The following RPS6KC1 variants were observed in gnomAD, a reference collection of about 807,000 sequenced individuals.
RPS6KC1 encodes the protein ribosomal protein S6 kinase C1.
In RPS6KC1, 54 loss-of-function variants were observed where a neutral mutation model predicts 103.8. The observed-to-expected ratio is 0.52, with a 90% CI of 0.42 to 0.65. The LOEUF is 0.65. Ranked by LOEUF, RPS6KC1 falls within the 30% of genes least tolerant of loss-of-function variation. The pLI is 0.00. For synonymous variants in RPS6KC1, 439 were observed against 438.7 expected, an observed-to-expected ratio of 1.00 and a Z score of -0.01; for missense variants, 1,151 against 1,253.8, an observed-to-expected ratio of 0.92 and a Z score of 1.24.
chr1:213,228,305 T>C (rs3924768), intron 8 of RPS6KC1, among the ~76,000 whole-genome samples: 68,652 of 152,096 alleles, frequency 0.45, 19,269 homozygotes, highest in Non-Finnish European at 0.62. Flanking sequence ...ATTATCTTAC[T>C]GAAATCCTCA....
the RPS6KC1 span, among the ~76,000 whole-genome samples, chr1:213,639,011 C>T: frequency 6.6e-6 from 1 of 152,000 alleles, no homozygotes; most frequent in East Asian, 1.9e-4. Flanking sequence ...TTATTTATGT[C>T]CTCTTTGATT....
At chr1:213,355,061 T>C in the RPS6KC1 span, among the ~76,000 whole-genome samples, 1 of 151,976 alleles carries the variant, frequency 6.6e-6, no homozygotes, top group Non-Finnish European at 1.5e-5. Context: ...CTACTAAAAA[T>C]ACAAAAATTA....
chr1:213,684,112 C>T, the RPS6KC1 span, among the ~76,000 whole-genome samples: 1 of 152,156 alleles, frequency 6.6e-6, no homozygotes, highest in Non-Finnish European at 1.5e-5. Context: ...CCTGTACACA[C>T]CCTACTTATT....
the RPS6KC1 span, among the ~76,000 whole-genome samples, chr1:213,429,394 T>G: frequency 6.6e-6 from 1 of 152,228 alleles, no homozygotes; most frequent in Admixed American, 6.5e-5. Flanking sequence ...ACTCAAGTGA[T>G]CCACCTGCCT....
chr1:213,188,586 G>A lies in RPS6KC1; in HGVS notation c.1044+12094G>A, dbSNP rs12060400. 7.0e-3 allele frequency among the ~76,000 whole-genome samples: 1,064 copies of A among 152,070 alleles called. 14 individuals carry two copies. The highest frequency in any genetic ancestry group is 0.024 in the African/African-American group (1,008 of 41,484). ...AAACAGCTTGCACTTATATTTCTAT[G>A]TATGAACAATGCACACATAAAAACT... is the stretch of plus-strand genomic sequence containing the variant. On this transcript the variant is annotated intron_variant, in intron 8 of 14. Transcript: ENST00000366960.
intron 8 of RPS6KC1, among the ~76,000 whole-genome samples, chr1:213,195,201 G>C (rs1438805200): frequency 6.6e-6 from 1 of 152,062 alleles, no homozygotes; most frequent in Non-Finnish European, 1.5e-5. Flanking sequence ...AACACTTCTG[G>C]GTCTTGATTG....
chr1:213,470,177 G>A, the RPS6KC1 span, among the ~76,000 whole-genome samples: 7 of 152,296 alleles, frequency 4.6e-5, no homozygotes, highest in South Asian at 2.1e-4. Context: ...AGGTTCACAC[G>A]TCACACTTAG....
the RPS6KC1 span, among the ~76,000 whole-genome samples, chr1:213,798,154 GC>G: frequency 6.6e-6 from 1 of 152,122 alleles, no homozygotes; most frequent in Non-Finnish European, 1.5e-5. Context: ...AGCAAATCTG[GC>G]CCCAAAGAAA....
intron 4 of RPS6KC1, among the ~76,000 whole-genome samples, chr1:213,115,517 T>C (rs1424684187): frequency 6.6e-6 from 1 of 152,226 alleles, no homozygotes; most frequent in East Asian, 1.9e-4. Flanking sequence ...CCTGGATTCA[T>C]TAATTTTTTG....
At chr1:213,723,626 G>C in the RPS6KC1 span, among the ~76,000 whole-genome samples, 1 of 152,142 alleles carries the variant, frequency 6.6e-6, no homozygotes, top group Non-Finnish European at 1.5e-5. Context: ...GGTACTAGCT[G>C]TTAGGACTCC....
chr1:213,094,609 G>C (rs749093993), intron 3 of RPS6KC1, among the ~76,000 whole-genome samples: 17 of 152,166 alleles, frequency 1.1e-4, no homozygotes, highest in Non-Finnish European at 2.4e-4. Context: ...ATGACTTCCT[G>C]TGAGAGAGAG....
chr1:213,168,319 T>C lies in RPS6KC1; in HGVS notation c.951+346T>C, dbSNP rs566191271. On this transcript the variant is annotated intron_variant, in intron 7 of 14. Transcript: ENST00000366960. ...TATAATTGTTCTCCAGTTTTATTGATTCATGTTAAAACTATTCATTTTAAG... is the reference window on the plus strand; with the variant it reads ...TATAATTGTTCTCCAGTTTTATTGACTCATGTTAAAACTATTCATTTTAAG... Among the ~76,000 whole-genome samples the C allele has an allele frequency of 4.6e-5, 7 of 152,350 alleles. 1 individual carries two copies. In the South Asian group the frequency reaches 1.4e-3, roughly 32 times the overall value.
At chr1:213,233,311 A>G (rs1265890207) in intron 10 of RPS6KC1, among the ~76,000 whole-genome samples, 1 of 152,176 alleles carries the variant, frequency 6.6e-6, no homozygotes, top group East Asian at 1.9e-4. Flanking sequence ...TGGATAACTA[A>G]TTCACCTTTG....
the RPS6KC1 span, among the ~76,000 whole-genome samples, chr1:213,489,804 A>G: frequency 6.6e-6 from 1 of 152,176 alleles, no homozygotes; most frequent in Non-Finnish European, 1.5e-5. Context: ...GAATGAGGCT[A>G]ATATGTTCAA....
the RPS6KC1 span, among the ~76,000 whole-genome samples, chr1:213,814,752 A>T: frequency 6.6e-6 from 1 of 152,218 alleles, no homozygotes; most frequent in South Asian, 2.1e-4. Context: ...CATTCTCCAG[A>T]TGAAGACATG....
chr1:213,523,964 CT>C, the RPS6KC1 span, among the ~76,000 whole-genome samples: 6 of 152,142 alleles, frequency 3.9e-5, no homozygotes, highest in African/African-American at 1.4e-4. Flanking sequence ...TCTAACACCC[CT>C]GAGACAAGTA....
At chr1:213,082,483 C>T (rs985906165) in intron 3 of RPS6KC1, among the ~76,000 whole-genome samples, 3 of 152,046 alleles carry the variant, frequency 2.0e-5, no homozygotes, top group African/African-American at 7.2e-5. Flanking sequence ...TCATGGTATT[C>T]GGTAAGACTG....
chr1:213,342,999 G>A, the RPS6KC1 span, among the ~76,000 whole-genome samples: 1 of 152,054 alleles, frequency 6.6e-6, no homozygotes, highest in East Asian at 1.9e-4. Flanking sequence ...ACAAAAGTTA[G>A]TCAGGTGTGG....
the RPS6KC1 span, among the ~76,000 whole-genome samples, chr1:213,574,066 A>G: frequency 7.6e-4 from 116 of 152,348 alleles, no homozygotes; most frequent in African/African-American, 2.4e-3. Context: ...AATCAGAAGT[A>G]AAAACAACCT....
Sources: gnomAD v4.1 joint callset for allele counts (sites outside exome capture counted in the v4.1 genomes callset) on GRCh38, gnomAD v4.1.1 for gene constraint, MANE v1.5 for transcripts, NCBI Gene and HGNC (gene_info 2026-07-23, HGNC 2026-07-21) for gene names.